Variants in CWC27 observed in about 807,000 individuals in gnomAD.
CWC27 encodes the protein spliceosome-associated protein CWC27 homolog.
A neutral mutation model predicts 63.6 loss-of-function variants in CWC27; 47 were observed. The ratio of observed to expected loss-of-function variants is 0.74; its 90% CI spans 0.58 to 0.94. The LOEUF is 0.94. Among genes scored for constraint, CWC27 ranks in the 40% least tolerant of loss-of-function variants. CWC27 has a pLI of 0.00. For synonymous variants in CWC27, 175 were observed against 179.8 expected, an observed-to-expected ratio of 0.97 and a Z score of 0.22; for missense variants, 495 against 554.3, an observed-to-expected ratio of 0.89 and a Z score of 1.07.
rs773003447 is a variant in CWC27, at chr5:64,786,646, T to C, written c.599+19T>C. On this transcript the variant is annotated intron_variant, in intron 6 of 13. Coordinates refer to ENST00000381070, the MANE Select transcript of CWC27 (RefSeq NM_005869.4). ...GCACAAAGTAATCATAGTGGAGAGA[T>C]TTTTCTTCAGCTTGAAAAATGACAC... The C allele has an allele frequency of 2.8e-5, 40 of 1,406,738 alleles. 1 individual carries two copies. In the South Asian group the frequency reaches 4.7e-4, roughly 17 times the overall value. The allele number at this position is 1,406,738 out of a possible 1,614,324, so 87.1% of individuals were successfully genotyped here.
chr5:64,991,851 C>T lies in CWC27; in HGVS notation c.1256+14613C>T, dbSNP rs528757176. 3.3e-5 allele frequency among the ~76,000 whole-genome samples: 5 copies of T among 152,196 alleles called. No individual in the cohort carries two copies. The South Asian group carries it at 6.2e-4, about 19-fold the overall frequency. ...ATAAGTTTTTTTATTTTGGCATTTC[C>T]GAAGAATTACCTTAATGTGAGGTCC... On this transcript the variant is annotated intron_variant, in intron 13 of 13. Coordinates refer to ENST00000381070, the MANE Select transcript of CWC27 (RefSeq NM_005869.4).
At chr5:65,011,057 G>A (rs1183561621) in intron 13 of CWC27, among the ~76,000 whole-genome samples, 3 of 152,106 alleles carry the variant, frequency 2.0e-5, no homozygotes, top group East Asian at 1.9e-4. Flanking sequence ...GTACAAAGGC[G>A]AATAACAGAG....
intron 13 of CWC27, among the ~76,000 whole-genome samples, chr5:64,992,680 C>T (rs62370970): frequency 3.4e-5 from 5 of 148,706 alleles, no homozygotes; most frequent in South Asian, 2.2e-4. Context: ...TACAGGCGCC[C>T]GCCACCACGC....
chr5:64,772,786 A>C (rs1270453409), intron 1 of CWC27, among the ~76,000 whole-genome samples: 1 of 151,758 alleles, frequency 6.6e-6, no homozygotes, highest in African/African-American at 2.4e-5. Context: ...AGATACAAAA[A>C]ATTAGCTGGG....
intron 13 of CWC27, among the ~76,000 whole-genome samples, chr5:64,998,142 A>G (rs1303331405): frequency 6.6e-6 from 1 of 151,918 alleles, no homozygotes; most frequent in African/African-American, 2.4e-5. Context: ...GCGCTTTCAT[A>G]TGGTTTGCCC....
rs1744766396 is a variant in CWC27, at chr5:64,808,439, G to A, written c.938+4053G>A. The A allele has an allele frequency of 7.2e-6, 5 of 697,542 alleles. No individual in the cohort carries two copies. The South Asian group carries it at 1.9e-4, about 27-fold the overall frequency. 43.2% of individuals were successfully genotyped at this position (697,542 alleles called of 1,614,324 possible). Reference sequence around the variant, plus strand: ...TTTCTTCTTTGTGTATCCTTATACTGTAACTTTCTTGAAGGTAGTGATCAT... The same window carrying A: ...TTTCTTCTTTGTGTATCCTTATACTATAACTTTCTTGAAGGTAGTGATCAT... On this transcript the variant is annotated intron_variant, in intron 10 of 13. Coordinates refer to ENST00000381070, the MANE Select transcript of CWC27 (RefSeq NM_005869.4).
chr5:64,822,064 T>C (rs770318343), intron 10 of CWC27, among the ~76,000 whole-genome samples: 18 of 152,182 alleles, frequency 1.2e-4, no homozygotes, highest in Non-Finnish European at 2.4e-4. Context: ...CTCTGTCCTT[T>C]AGATGGTAGA....
intron 13 of CWC27, among the ~76,000 whole-genome samples, chr5:64,982,178 A>G (rs1309572): frequency 0.37 from 56,203 of 152,020 alleles, 11,145 homozygotes; most frequent in Non-Finnish European, 0.45. Context: ...ACCCAGTCAG[A>G]CCTCATTATA....
chr5:64,979,444 T>C (rs978291592), intron 13 of CWC27, among the ~76,000 whole-genome samples: 1 of 152,220 alleles, frequency 6.6e-6, no homozygotes, highest in Non-Finnish European at 1.5e-5. Flanking sequence ...TGTAATGCCT[T>C]TTTATTGCAA....
chr5:64,846,403 G>A (rs901478617), intron 10 of CWC27, among the ~76,000 whole-genome samples: 5 of 151,954 alleles, frequency 3.3e-5, no homozygotes, highest in African/African-American at 9.7e-5. Flanking sequence ...ATGTTGAGGG[G>A]GTATGAAAAA....
At chr5:64,908,494 C>A (rs972604973) in intron 11 of CWC27, among the ~76,000 whole-genome samples, 1 of 152,138 alleles carries the variant, frequency 6.6e-6, no homozygotes, top group Non-Finnish European at 1.5e-5. Flanking sequence ...TTGTTAGTCT[C>A]CCATTATTAT....
chr5:64,834,092 C>CT (rs543249604), intron 10 of CWC27, among the ~76,000 whole-genome samples: 5,252 of 140,880 alleles, frequency 0.037, 102 homozygotes, highest in Middle Eastern at 0.065. Context: ...ATGCCCCTCG[C>CT]TTTTTTTTTT....
Position 64,801,312 on chromosome 5 carries a change from G to A in CWC27, c.760G>A (p.Asp254Asn). ...SVPVVESEKG[D>N]APDLVDDGED... is the part of the protein sequence containing the mutation. Reference sequence around the variant, plus strand: ...TTATTTTTTTTATAGTGAAAAAGGTGATGCACCAGATTTAGTTGATGTAAG... The same window carrying A: ...TTATTTTTTTTATAGTGAAAAAGGTAATGCACCAGATTTAGTTGATGTAAG... Residue 254 changes from aspartate (D) to asparagine (N), a missense_variant, in exon 9 of 14, where the codon GAT becomes AAT. Physicochemically the swap from Asp to Asn is conservative, Grantham distance 23. Around this residue, in one of 3 missense-constraint regions of CWC27, gnomAD observed 463 missense variants for 498.1 expected, o/e 0.93. Coordinates refer to ENST00000381070, the MANE Select transcript of CWC27 (RefSeq NM_005869.4). The A allele has an allele frequency of 7.1e-7, 1 of 1,409,580 alleles. No homozygotes were observed. 87.3% of individuals were successfully genotyped at this position (1,409,580 alleles called of 1,614,324 possible).
intron 7 of CWC27, among the ~76,000 whole-genome samples, chr5:64,791,143 A>G (rs761640196): frequency 2.6e-5 from 4 of 151,636 alleles, no homozygotes; most frequent in Non-Finnish European, 4.4e-5. Context: ...TAGGTTGAGC[A>G]GCCTTGGAGA....
At position 64,880,854 on chromosome 5, in the gene CWC27, A is replaced by ATT. The variant is rs35152901; in HGVS notation, c.939-4570_939-4569dup. ...GAGTTAGTAACAGTTTATAAAAGCC[A>ATT]TTTTTTTTTTTTTTTTTTTTACCAT... On this transcript the variant is annotated intron_variant, in intron 10 of 13. Coordinates refer to ENST00000381070, the MANE Select transcript of CWC27 (RefSeq NM_005869.4). 4.1e-3 allele frequency among the ~76,000 whole-genome samples: 562 copies of ATT among 136,006 alleles called. 4 individuals are homozygous for ATT. Among genetic ancestry groups the ATT allele is most frequent in the East Asian group, 0.016 (76 of 4,780 alleles). 89.2% of individuals were successfully genotyped at this position (136,006 alleles called of 152,430 possible).
intron 10 of CWC27, among the ~76,000 whole-genome samples, chr5:64,843,201 C>T (rs1350523206): frequency 1.3e-5 from 2 of 152,138 alleles, no homozygotes; most frequent in Admixed American, 6.5e-5. Flanking sequence ...TTTATTTGTT[C>T]AGCAAGAACT....
At chr5:64,795,845 AAACT>A (rs1744245861) in intron 7 of CWC27, among the ~76,000 whole-genome samples, 1 of 152,148 alleles carries the variant, frequency 6.6e-6, no homozygotes. Flanking sequence ...ATGAATGTCT[AAACT>A]AACTTTATAT....
At chr5:64,776,885 G>C (rs187977058) in intron 2 of CWC27, among the ~76,000 whole-genome samples, 2 of 152,162 alleles carry the variant, frequency 1.3e-5, no homozygotes, top group East Asian at 3.9e-4. Flanking sequence ...CCAAAGGATG[G>C]TTTATAGCCT....
At chr5:64,917,128 G>A (rs1274074927) in intron 11 of CWC27, among the ~76,000 whole-genome samples, 4 of 152,258 alleles carry the variant, frequency 2.6e-5, no homozygotes, top group South Asian at 2.1e-4. Flanking sequence ...AACTGACTGT[G>A]TTCTCTAATA....
Sources: gnomAD v4.1 joint callset for allele counts (sites outside exome capture counted in the v4.1 genomes callset) on GRCh38, gnomAD v4.1.1 for gene constraint, gnomAD v4.1.1 regional missense constraint, MANE v1.5 for transcripts, NCBI Gene and HGNC (gene_info 2026-07-23, HGNC 2026-07-21) for gene names.